HS2ST1: variants seen among roughly 807,000 people sequenced by gnomAD.
The protein encoded by HS2ST1 is heparan sulfate 2-O-sulfotransferase 1.
HS2ST1 carries 18 observed loss-of-function variants against 42.9 expected under a neutral mutation model. The observed-to-expected ratio is 0.42, with a 90% CI of 0.29 to 0.62. HS2ST1 has a LOEUF of 0.62. Ranked by LOEUF, HS2ST1 falls within the 20% of genes least tolerant of loss-of-function variation. The pLI is 0.21. For synonymous variants in HS2ST1, 146 were observed against 152.9 expected, an observed-to-expected ratio of 0.95 and a Z score of 0.33; for missense variants, 334 against 433.8, an observed-to-expected ratio of 0.77 and a Z score of 2.04.
chr1:87,055,221 G>C (rs1557530090), intron 1 of HS2ST1, among the ~76,000 whole-genome samples: 2 of 152,176 alleles, frequency 1.3e-5, no homozygotes, highest in African/African-American at 4.8e-5. Context: ...CTACATACTT[G>C]ATTTCTCAGT....
rs1652329137 is a variant in HS2ST1, at chr1:87,106,586, AAAGAAAAAC to A, written c.*1891_*1899del. On this transcript the variant is annotated 3_prime_UTR_variant, in exon 7 of 7. Transcript: ENST00000370550. ...TAAACAAAAGAAACATTTATAAACT[AAAGAAAAAC>A]TAAAAGAATGACAGAACAATCATCT... The A allele has an allele frequency of 6.6e-6, 1 of 152,098 alleles. No homozygotes were observed. The highest frequency in any genetic ancestry group is 2.4e-5 in the African/African-American group (1 of 41,454). 9.4% of individuals were successfully genotyped at this position (152,098 alleles called of 1,614,324 possible).
chr1:86,963,721 A>G lies in HS2ST1; in HGVS notation c.124+48561A>G, dbSNP rs186004616. 2.2e-3 allele frequency among the ~76,000 whole-genome samples: 321 copies of G among 148,122 alleles called. 3 individuals carry two copies. Among genetic ancestry groups the G allele is most frequent in the African/African-American group, 7.7e-3 (310 of 40,364 alleles). On this transcript the variant is annotated intron_variant, in intron 1 of 6. Coordinates refer to ENST00000370550, the MANE Select transcript of HS2ST1 (RefSeq NM_012262.4). ...CGGGCAGAGGGGCTTCTCACTTCCC[A>G]GAAGGGGCGGCCAGGCAGAGGCGCC...
chr1:87,049,867 A>C (rs912760680), intron 1 of HS2ST1, among the ~76,000 whole-genome samples: 4 of 152,024 alleles, frequency 2.6e-5, no homozygotes, highest in African/African-American at 7.2e-5. Context: ...CTTTAATTAT[A>C]CTTGCAGATT....
chr1:86,918,684 A>G (rs1241839417), intron 1 of HS2ST1, among the ~76,000 whole-genome samples: 1 of 151,922 alleles, frequency 6.6e-6, no homozygotes, highest in Non-Finnish European at 1.5e-5. Context: ...ACTTTTCAAC[A>G]TTTTTTTGTT....
At chr1:87,071,088 A>T (rs1226967293) in intron 1 of HS2ST1, among the ~76,000 whole-genome samples, 2 of 152,230 alleles carry the variant, frequency 1.3e-5, no homozygotes, top group African/African-American at 4.8e-5. Flanking sequence ...GCATATAAAT[A>T]TATAACACAT....
At position 86,937,559 on chromosome 1, in the gene HS2ST1, C is replaced by T. The variant is rs78274192; in HGVS notation, c.124+22399C>T. Among the ~76,000 whole-genome samples the T allele has an allele frequency of 9.0e-3, 1,370 of 152,150 alleles. 22 individuals are homozygous for T. The highest frequency in any genetic ancestry group is 0.032 in the African/African-American group (1,324 of 41,506). The stretch of plus-strand genomic sequence containing the variant: ...AGTAGAATCATTTATTTGAAAGAGG[C>T]CTTGGTTTTACTCAGCTTCCTTCCC... On this transcript the variant is annotated intron_variant, in intron 1 of 6. Coordinates refer to ENST00000370550, the MANE Select transcript of HS2ST1 (RefSeq NM_012262.4).
chr1:86,923,831 G>A (rs969884277), intron 1 of HS2ST1, among the ~76,000 whole-genome samples: 1 of 152,118 alleles, frequency 6.6e-6, no homozygotes, highest in African/African-American at 2.4e-5. Flanking sequence ...ATTCAAGATG[G>A]GATTTGTGTG....
At chr1:86,945,272 A>G (rs990205253) in intron 1 of HS2ST1, among the ~76,000 whole-genome samples, 25 of 152,220 alleles carry the variant, frequency 1.6e-4, no homozygotes, top group African/African-American at 5.1e-4. Context: ...AATATAGAAT[A>G]TTATTGGGAT....
chr1:87,080,123 T>C (rs1379623916), intron 2 of HS2ST1, among the ~76,000 whole-genome samples: 1 of 152,172 alleles, frequency 6.6e-6, no homozygotes, highest in Non-Finnish European at 1.5e-5. Context: ...TCAGATAGCA[T>C]GGATTTAGGA....
intron 1 of HS2ST1, among the ~76,000 whole-genome samples, chr1:86,980,009 A>G (rs1648532544): frequency 1.3e-5 from 2 of 152,238 alleles, no homozygotes; most frequent in African/African-American, 4.8e-5. Context: ...TATAAAAGAC[A>G]AATTACTTAG....
intron 6 of HS2ST1, 95 bp downstream of exon 6, chr1:87,103,684 A>G: frequency 3.9e-6 from 4 of 1,035,660 alleles, no homozygotes; most frequent in Non-Finnish European, 5.5e-6. Context: ...CTTCAGTGAA[A>G]CACAACAGAT....
chr1:86,946,185 GT>G (rs1283045307), intron 1 of HS2ST1, among the ~76,000 whole-genome samples: 14 of 152,054 alleles, frequency 9.2e-5, no homozygotes. Context: ...CCAGACTGAC[GT>G]ATTTTTGTTA....
chr1:86,914,906 G>A lies in HS2ST1; in HGVS notation c.-131G>A. On this transcript the variant is annotated 5_prime_UTR_variant, in exon 1 of 7. Transcript: ENST00000370550. The stretch of plus-strand genomic sequence containing the variant: ...GAGAGGCGAGAAGGGGGGTCGCTGC[G>A]GTGGTTCTCTCGCTGTCGCTCTCTC... 8.9e-7 allele frequency: 1 copy of A among 1,122,192 alleles called. No individual in the cohort carries two copies. Among genetic ancestry groups the A allele is most frequent in the South Asian group, 1.4e-5 (1 of 72,096 alleles). 69.5% of individuals were successfully genotyped at this position (1,122,192 alleles called of 1,614,324 possible).
intron 1 of HS2ST1, among the ~76,000 whole-genome samples, chr1:87,047,864 T>C (rs975593572): frequency 2.0e-5 from 3 of 152,186 alleles, no homozygotes; most frequent in Admixed American, 6.5e-5. Flanking sequence ...TGATAACAAG[T>C]CTTGAGATAA....
At chr1:86,936,903 C>T (rs1417809595) in intron 1 of HS2ST1, among the ~76,000 whole-genome samples, 3 of 147,568 alleles carry the variant, frequency 2.0e-5, no homozygotes, top group African/African-American at 7.6e-5. Flanking sequence ...TGAGACCAGC[C>T]TGGCCAACAT....
chr1:86,922,911 C>T (rs1013310236), intron 1 of HS2ST1, among the ~76,000 whole-genome samples: 3 of 152,056 alleles, frequency 2.0e-5, no homozygotes, highest in East Asian at 1.9e-4. Flanking sequence ...TATTTCTTCA[C>T]GTTAGTTTTT....
intron 5 of HS2ST1, chr1:87,098,427 G>A (rs1199678): frequency 1 from 706,192 of 709,374 alleles, 351,595 homozygotes; most frequent in South Asian, 1. Context: ...ACTTTAATAA[G>A]AACTGTATTT....
intron 1 of HS2ST1, among the ~76,000 whole-genome samples, chr1:86,944,097 G>A (rs1466619551): frequency 2.0e-5 from 3 of 151,978 alleles, no homozygotes; most frequent in South Asian, 2.1e-4. Flanking sequence ...GTGGGTAGGG[G>A]GTGATAAATT....
chr1:86,934,945 A>AAAAAAAAC, intron 1 of HS2ST1: 1 of 151,628 alleles, frequency 6.6e-6, no homozygotes, highest in Non-Finnish European at 1.5e-5. Flanking sequence ...AAAAAAAAAA[A>AAAAAAAAC]AAAAAAAGAG....
Sources: allele counts gnomAD v4.1 joint callset (sites outside exome capture counted in the v4.1 genomes callset), GRCh38; gene constraint gnomAD v4.1.1; transcripts MANE v1.5; gene names NCBI Gene and HGNC (gene_info 2026-07-23, HGNC 2026-07-21).